NNT: variants seen among roughly 807,000 people sequenced by gnomAD.
NNT encodes nicotinamide nucleotide transhydrogenase.
In NNT, 50 loss-of-function variants were observed where a neutral mutation model predicts 104.8. The observed-to-expected ratio is 0.48, with a 90% CI of 0.38 to 0.60. The LOEUF (loss-of-function observed/expected upper bound fraction) is 0.60. NNT is among the 20% of genes least tolerant of loss of function. NNT has a pLI of 0.00. For missense variants in NNT, 1,131 were observed against 1,330.7 expected (o/e 0.85, Z 2.33); for synonymous variants, 461 against 490.4 (o/e 0.94, Z 0.79).
chr5:43,702,976 C>A (rs1313185149), intron 21 of NNT, among the ~76,000 whole-genome samples: 1 of 152,136 alleles, frequency 6.6e-6, no homozygotes. Flanking sequence ...TGGATTAACA[C>A]AATCTGTAAC....
chr5:43,663,090 A>G (rs911632881), intron 17 of NNT, among the ~76,000 whole-genome samples: 1 of 152,120 alleles, frequency 6.6e-6, no homozygotes, highest in Non-Finnish European at 1.5e-5. Context: ...CCTTAATTTT[A>G]ATTAAGGTTT....
At position 43,612,966 on chromosome 5, in the gene NNT, G is replaced by A; in HGVS notation, c.210G>A (p.Lys70=). Residue 70 remains lysine (K), a synonymous_variant, in exon 3 of 22, where the codon AAG becomes AAA. Coordinates refer to ENST00000344920, the MANE Select transcript of NNT (RefSeq NM_182977.3). ...CCAAAGAGATATTCCAAAATGAGAAGCGAGTGGCATTGTCTCCTGCTGGTG... is the reference window on the plus strand; with the variant it reads ...CCAAAGAGATATTCCAAAATGAGAAACGAGTGGCATTGTCTCCTGCTGGTG... ...GVPKEIFQNE[K]RVALSPAGVQ... is the part of the protein sequence containing the mutation. The A allele has an allele frequency of 6.2e-7, 1 of 1,614,108 alleles. No homozygotes were observed. Among genetic ancestry groups the A allele is most frequent in the Non-Finnish European group, 8.5e-7 (1 of 1,180,022 alleles).
At chr5:43,693,487 G>A (rs530676683) in intron 19 of NNT, among the ~76,000 whole-genome samples, 1 of 152,104 alleles carries the variant, frequency 6.6e-6, no homozygotes, top group African/African-American at 2.4e-5. Flanking sequence ...AAGAATCCTT[G>A]TAACATTTTG....
At chr5:43,677,481 G>A (rs865991369) in intron 18 of NNT, among the ~76,000 whole-genome samples, 15 of 151,906 alleles carry the variant, frequency 9.9e-5, no homozygotes, top group African/African-American at 2.7e-4. Context: ...GTGCAGTGTC[G>A]GGGGTGGGGT....
rs1466291503 is a variant in NNT, at chr5:43,645,647, CTA to C, written c.1444+139_1444+140del. ...TACACATATATATCTACACATCTAT[CTA>C]TCTATCTCTCTCTCTCTCTCTCTCT... On this transcript the variant is annotated intron_variant, in intron 10 of 21. Coordinates refer to ENST00000344920, the MANE Select transcript of NNT (RefSeq NM_182977.3). The C allele has an allele frequency of 6.2e-3, 724 of 116,974 alleles. 8 individuals carry two copies. Among genetic ancestry groups the C allele is most frequent in the African/African-American group, 0.028 (676 of 24,562 alleles). 7.2% of individuals were successfully genotyped at this position (116,974 alleles called of 1,614,324 possible). A position where few individuals can be genotyped will look rare whatever the true frequency, so the allele number is the denominator to read the frequency against.
At chr5:43,670,263 TTTTG>T (rs1740981382) in intron 17 of NNT, among the ~76,000 whole-genome samples, 1 of 152,104 alleles carries the variant, frequency 6.6e-6, no homozygotes, top group Non-Finnish European at 1.5e-5. Context: ...TTGAATGGTT[TTTTG>T]TTTGACTATC....
At position 43,644,661 on chromosome 5, in the gene NNT, G is replaced by C; in HGVS notation, c.1149G>C (p.Gln383His). Reference protein sequence around the residue: ...YTDLPSRMATQASTLYSNNIT... With the variant: ...YTDLPSRMATHASTLYSNNIT... ...ACCTGCCCAGCCGAATGGCCACTCA[G>C]GCCAGCACCCTATATTCCAACAACA... is the stretch of plus-strand genomic sequence containing the variant. Residue 383 changes from glutamine (Q) to histidine (H), a missense_variant, in exon 9 of 22, where the codon CAG (glutamine) becomes CAC (histidine). Transcript: ENST00000344920. The C allele has an allele frequency of 6.2e-7, 1 of 1,614,138 alleles. No individual in the cohort carries two copies. Among genetic ancestry groups the C allele is most frequent in the South Asian group, 1.1e-5 (1 of 91,084 alleles).
intron 15 of NNT, 37 bp downstream of exon 15, chr5:43,656,110 C>T (rs2111936615): frequency 2.0e-6 from 3 of 1,518,180 alleles, no homozygotes; most frequent in Non-Finnish European, 2.7e-6. Flanking sequence ...TAAATATCTA[C>T]TGTTTAGGGC....
intron 17 of NNT, among the ~76,000 whole-genome samples, chr5:43,661,272 G>C (rs1207188657): frequency 6.6e-6 from 1 of 152,118 alleles, no homozygotes; most frequent in Non-Finnish European, 1.5e-5. Flanking sequence ...ACAGTTTTCT[G>C]TAAAAGTAAA....
chr5:43,644,895 A>T, intron 9 of NNT, 93 bp downstream of exon 9: 1 of 1,039,926 alleles, frequency 9.6e-7, no homozygotes, highest in Non-Finnish European at 1.4e-6. Context: ...GAATTGAGAC[A>T]TATTTTAATA....
chr5:43,610,652 A>G (rs1015595887), intron 2 of NNT, among the ~76,000 whole-genome samples: 1 of 152,150 alleles, frequency 6.6e-6, no homozygotes, highest in Non-Finnish European at 1.5e-5. Context: ...AATAGATTTT[A>G]TAGCCTCTTT....
At position 43,624,546 on chromosome 5, in the gene NNT, C is replaced by T. The variant is rs559010903; in HGVS notation, c.776+426C>T. On this transcript the variant is annotated intron_variant, in intron 6 of 21. Transcript: ENST00000344920. Reference sequence around the variant, plus strand: ...GACTGGCACTTCACCTGACTAGCAACGCATGAATTATTTATGCTGCATTAT... The same window carrying T: ...GACTGGCACTTCACCTGACTAGCAATGCATGAATTATTTATGCTGCATTAT... 2.6e-5 allele frequency among the ~76,000 whole-genome samples: 4 copies of T among 152,270 alleles called. No homozygotes were observed. In the South Asian group the frequency reaches 6.2e-4, roughly 24 times the overall value.
intron 7 of NNT, among the ~76,000 whole-genome samples, chr5:43,631,390 A>G (rs1282041513): frequency 1.3e-5 from 2 of 152,206 alleles, no homozygotes; most frequent in African/African-American, 2.4e-5. Context: ...CTCCTGGCTC[A>G]GCTGTTTCAC....
At chr5:43,608,502 A>G (rs1283151373) in intron 1 of NNT, among the ~76,000 whole-genome samples, 1 of 152,092 alleles carries the variant, frequency 6.6e-6, no homozygotes, top group African/African-American at 2.4e-5. Context: ...ATACTATGGA[A>G]TTTTTCTTTC....
chr5:43,655,239 G>A (rs1441354716), intron 14 of NNT, among the ~76,000 whole-genome samples: 4 of 152,218 alleles, frequency 2.6e-5, no homozygotes, highest in Non-Finnish European at 5.9e-5. Flanking sequence ...CTAGGGGAAG[G>A]TTGGGAGTTT....
intron 7 of NNT, among the ~76,000 whole-genome samples, chr5:43,638,664 GT>G (rs371989090): frequency 9.8e-4 from 131 of 133,694 alleles, no homozygotes; most frequent in East Asian, 1.1e-3. Flanking sequence ...AGAAAGTTTT[GT>G]TTTTTTTTTT....
intron 21 of NNT, among the ~76,000 whole-genome samples, chr5:43,703,864 A>C (rs1478162888): frequency 6.6e-6 from 1 of 152,192 alleles, no homozygotes; most frequent in Non-Finnish European, 1.5e-5. Flanking sequence ...TCTGTTTTAG[A>C]ATTTGTAGTG....
chr5:43,687,808 T>C (rs1742062349), intron 19 of NNT, among the ~76,000 whole-genome samples: 1 of 152,178 alleles, frequency 6.6e-6, no homozygotes, highest in Non-Finnish European at 1.5e-5. Context: ...CTGCAGCTAA[T>C]CAAGGCATCA....
intron 19 of NNT, among the ~76,000 whole-genome samples, chr5:43,696,355 C>T (rs1386103932): frequency 1.3e-5 from 2 of 152,202 alleles, no homozygotes; most frequent in African/African-American, 2.4e-5. Flanking sequence ...CATGCTGATA[C>T]AAGAGGTGGG....
Sources: allele counts gnomAD v4.1 joint callset (sites outside exome capture counted in the v4.1 genomes callset), GRCh38; gene constraint gnomAD v4.1.1; transcripts MANE v1.5; gene names NCBI Gene and HGNC (gene_info 2026-07-23, HGNC 2026-07-21).